NLGN1: variants seen among roughly 807,000 people sequenced by gnomAD.
NLGN1 encodes neuroligin 1, also known as neuroligin-1.
Under a neutral mutation model 65.5 loss-of-function variants are expected in NLGN1, and 12 were observed. The ratio of observed to expected loss-of-function variants is 0.18; its 90% CI spans 0.12 to 0.30. The LOEUF is 0.30. Ranked by LOEUF, NLGN1 falls within the 10% of genes least tolerant of loss-of-function variation. The pLI is 1.00. For missense variants in NLGN1, 750 were observed against 1,007.1 expected, an observed-to-expected ratio of 0.74 and a Z score of 3.46; for synonymous variants, 350 against 359.5, an observed-to-expected ratio of 0.97 and a Z score of 0.30.
At chr3:173,574,478 T>G (rs1745196836) in intron 2 of NLGN1, among the ~76,000 whole-genome samples, 1 of 152,024 alleles carries the variant, frequency 6.6e-6, no homozygotes, top group Non-Finnish European at 1.5e-5. Flanking sequence ...ATTAAACTCT[T>G]TATTAGTAAG....
chr3:174,109,459 A>T (rs532524281), intron 4 of NLGN1, among the ~76,000 whole-genome samples: 1 of 151,924 alleles, frequency 6.6e-6, no homozygotes, highest in Non-Finnish European at 1.5e-5. Context: ...TTCCTCACTT[A>T]TAAGGACTCC....
chr3:173,605,600 A>G lies in NLGN1; in HGVS notation c.493+509A>G. The G allele has an allele frequency of 5.5e-6, 7 of 1,269,914 alleles. No homozygotes were observed. Among genetic ancestry groups the G allele is most frequent in the Non-Finnish European group, 7.2e-6 (7 of 970,932 alleles). 78.7% of individuals were successfully genotyped at this position (1,269,914 alleles called of 1,614,324 possible). A position where few individuals can be genotyped will look rare whatever the true frequency, so the allele number is the denominator to read the frequency against. On this transcript the variant is annotated intron_variant, in intron 3 of 6. Coordinates refer to ENST00000457714, the Ensembl canonical transcript of NLGN1. ...AAAATATGTAGAAAAGGAGGTATGT[A>G]TAAAAGTGGAAATTAAAAATGGGGG...
At chr3:173,723,755 TAAAG>T (rs1440049396) in intron 3 of NLGN1, among the ~76,000 whole-genome samples, 3 of 152,168 alleles carry the variant, frequency 2.0e-5, no homozygotes, top group African/African-American at 7.2e-5. Context: ...ATGATTTACT[TAAAG>T]AATTACTTTT....
intron 4 of NLGN1, among the ~76,000 whole-genome samples, chr3:174,213,759 A>T (rs1158767935): frequency 6.6e-6 from 1 of 152,208 alleles, no homozygotes; most frequent in Non-Finnish European, 1.5e-5. Context: ...AAATTCTGAA[A>T]GGAGAATCAT....
chr3:173,873,029 G>C (rs1205467091), intron 4 of NLGN1, among the ~76,000 whole-genome samples: 1 of 151,982 alleles, frequency 6.6e-6, no homozygotes, highest in Non-Finnish European at 1.5e-5. Flanking sequence ...AGGTCAATTG[G>C]GGCTGGCACG....
At chr3:173,666,578 A>G (rs1352853240) in intron 3 of NLGN1, among the ~76,000 whole-genome samples, 1 of 152,112 alleles carries the variant, frequency 6.6e-6, no homozygotes, top group Admixed American at 6.5e-5. Flanking sequence ...CCTTATAGAA[A>G]TCTGATTAAT....
chr3:173,929,393 A>G lies in NLGN1; in HGVS notation c.646+121561A>G, dbSNP rs547578930. 9.9e-5 allele frequency among the ~76,000 whole-genome samples: 15 copies of G among 152,116 alleles called. No homozygotes were observed. The East Asian group carries it at 2.9e-3, about 29-fold the overall frequency. Reference sequence around the variant, plus strand: ...TCTTGAAAATAACCAGCTAAGTTGTATGTTCACCTTAAAGAAATTCAAAGG... The same window carrying G: ...TCTTGAAAATAACCAGCTAAGTTGTGTGTTCACCTTAAAGAAATTCAAAGG... On this transcript the variant is annotated intron_variant, in intron 4 of 6. Coordinates refer to ENST00000457714, the Ensembl canonical transcript of NLGN1.
At chr3:173,551,726 C>T (rs773292728) in intron 2 of NLGN1, among the ~76,000 whole-genome samples, 14 of 152,210 alleles carry the variant, frequency 9.2e-5, no homozygotes, top group South Asian at 4.2e-4. Context: ...CGAAATCATC[C>T]GGCTCCATAT....
At chr3:173,557,116 T>C (rs114899009) in intron 2 of NLGN1, among the ~76,000 whole-genome samples, 3,580 of 152,276 alleles carry the variant, frequency 0.024, 56 homozygotes, top group Middle Eastern at 0.048. Flanking sequence ...CATTTACTTC[T>C]CCCTGAAATA....
At chr3:173,733,242 A>G (rs1037001512) in intron 3 of NLGN1, among the ~76,000 whole-genome samples, 9 of 152,164 alleles carry the variant, frequency 5.9e-5, no homozygotes, top group African/African-American at 2.2e-4. Context: ...TGCTTGAGTT[A>G]TAAATGCATT....
chr3:173,800,425 AC>A (rs1715212555), intron 3 of NLGN1: 1 of 454,462 alleles, frequency 2.2e-6, no homozygotes, highest in South Asian at 2.4e-5. Flanking sequence ...CTATTTTTTT[AC>A]TTCTTGTCTT....
intron 4 of NLGN1, among the ~76,000 whole-genome samples, chr3:174,077,963 A>T (rs1440225797): frequency 6.6e-6 from 1 of 152,216 alleles, no homozygotes; most frequent in African/African-American, 2.4e-5. Context: ...ATGAGTTAAA[A>T]TACTGTTTCC....
At chr3:173,707,037 A>G (rs939395303) in intron 3 of NLGN1, among the ~76,000 whole-genome samples, 5 of 152,174 alleles carry the variant, frequency 3.3e-5, no homozygotes, top group African/African-American at 1.2e-4. Context: ...ATGGTGCCTT[A>G]TACACTCCTA....
At chr3:174,070,656 G>A (rs1033682992) in intron 4 of NLGN1, among the ~76,000 whole-genome samples, 1 of 152,102 alleles carries the variant, frequency 6.6e-6, no homozygotes, top group African/African-American at 2.4e-5. Flanking sequence ...TAAATGAAAA[G>A]TTAACATATT....
chr3:173,770,946 C>T (rs1779488041), intron 3 of NLGN1, among the ~76,000 whole-genome samples: 1 of 152,088 alleles, frequency 6.6e-6, no homozygotes, highest in African/African-American at 2.4e-5. Context: ...AAAACTGAAC[C>T]CAGGGCTTAT....
chr3:174,008,825 T>TAAA (rs5854546), intron 4 of NLGN1, among the ~76,000 whole-genome samples: 4 of 151,218 alleles, frequency 2.6e-5, no homozygotes, highest in Non-Finnish European at 5.9e-5. Context: ...GGAAAGAGAT[T>TAAA]AAAAAAAAAT....
chr3:174,212,716 A>C (rs1423874973), intron 4 of NLGN1, among the ~76,000 whole-genome samples: 1 of 152,252 alleles, frequency 6.6e-6, no homozygotes, highest in East Asian at 1.9e-4. Context: ...AAAACAACAC[A>C]AAGTTATTTT....
downstream of NLGN1, among the ~76,000 whole-genome samples, chr3:174,289,759 T>C (rs1449085042): frequency 6.6e-6 from 1 of 150,626 alleles, no homozygotes; most frequent in Non-Finnish European, 1.5e-5. Flanking sequence ...AACATCTCTC[T>C]TACTACAGAT....
intron 4 of NLGN1, among the ~76,000 whole-genome samples, chr3:174,063,574 A>T (rs1036376108): frequency 6.6e-6 from 1 of 152,134 alleles, no homozygotes; most frequent in Non-Finnish European, 1.5e-5. Flanking sequence ...TGCACAAAGG[A>T]TGAGAAAAAA....
Sources: gnomAD v4.1 joint callset for allele counts (sites outside exome capture counted in the v4.1 genomes callset) on GRCh38, gnomAD v4.1.1 for gene constraint, MANE v1.5 for transcripts, NCBI Gene and HGNC (gene_info 2026-07-23, HGNC 2026-07-21) for gene names.